The following SDK2 variants were observed in gnomAD, a reference collection of about 807,000 sequenced individuals.
SDK2 encodes sidekick cell adhesion molecule 2, also known as protein sidekick-2.
A neutral mutation model predicts 253.9 loss-of-function variants in SDK2; 105 were observed. The ratio of observed to expected loss-of-function variants is 0.41; its 90% CI spans 0.35 to 0.49. The LOEUF (loss-of-function observed/expected upper bound fraction) is 0.49, where lower values mean the gene tolerates loss of function less well. SDK2 is among the 20% of genes least tolerant of loss of function. The pLI, the probability that SDK2 is intolerant of heterozygous loss-of-function variation, is 0.06. For synonymous variants in SDK2, 1,249 were observed against 1,234.9 expected (o/e 1.01, Z -0.24); for missense variants, 2,608 against 3,003.0 (o/e 0.87, Z 3.07).
In SDK2 at chr17:73,616,114, T is replaced by C. The variant is rs569082020; in HGVS notation, c.64+27911A>G. On this transcript the variant is annotated intron_variant, in intron 1 of 44. Transcript: ENST00000392650. This position sits in a 1 kb window ranked among gnomAD's most constrained non-coding sequence, Gnocchi z 5.2. ...CTTGACAGTGTGCATGAAGTAGACATATGATCCAGTTTGTGGAATCGGTAC... is the reference window on the plus strand; with the variant it reads ...CTTGACAGTGTGCATGAAGTAGACACATGATCCAGTTTGTGGAATCGGTAC... 3.9e-5 allele frequency among the ~76,000 whole-genome samples: 6 copies of C among 152,300 alleles called. No individual in the cohort carries two copies. In the South Asian group the frequency reaches 1.2e-3, roughly 32 times the overall value.
chr17:73,536,946 G>A (rs1206612011), intron 1 of SDK2, among the ~76,000 whole-genome samples: 1 of 152,168 alleles, frequency 6.6e-6, no homozygotes, highest in Non-Finnish European at 1.5e-5. Context: ...AATGGGTCAG[G>A]GAGGCCTTCC....
chr17:73,484,458 C>T (rs1452862877), intron 2 of SDK2, among the ~76,000 whole-genome samples: 1 of 152,332 alleles, frequency 6.6e-6, no homozygotes, highest in East Asian at 1.9e-4. Context: ...CACAGTGGTG[C>T]TGGCTGAGAA....
rs1202973491 is a variant in SDK2, at chr17:73,616,004, T to C, written c.64+28021A>G. On this transcript the variant is annotated intron_variant, in intron 1 of 44. Coordinates refer to ENST00000392650, the MANE Select transcript of SDK2 (RefSeq NM_001144952.2). This position sits in a 1 kb window ranked among gnomAD's most constrained non-coding sequence, Gnocchi z 5.2. Reference sequence around the variant, plus strand: ...CAACCCAAATACACGTACACACGCATGCATGTAGACACATATGCATATACA... The same window carrying C: ...CAACCCAAATACACGTACACACGCACGCATGTAGACACATATGCATATACA... 6.6e-6 allele frequency among the ~76,000 whole-genome samples: 1 copy of C among 152,120 alleles called. No individual in the cohort carries two copies. The highest frequency in any genetic ancestry group is 1.9e-4 in the East Asian group (1 of 5,194).
At chr17:73,550,369 G>A (rs184686107) in intron 1 of SDK2, among the ~76,000 whole-genome samples, 11 of 152,302 alleles carry the variant, frequency 7.2e-5, no homozygotes, top group South Asian at 4.2e-4. Flanking sequence ...CCTTTGTCCC[G>A]CTGGGAAAAT....
At position 73,447,891 on chromosome 17, in the gene SDK2, C is replaced by T; in HGVS notation, c.480-143G>A. On this transcript the variant is annotated intron_variant, in intron 4 of 44. Transcript: ENST00000392650. This position sits in a 1 kb window ranked among gnomAD's most constrained non-coding sequence, Gnocchi z 4.0. ...AGGGCCCCTCCTGCCACCCCCTCCC[C>T]AACCTCTTACTGCCTACATCCCGCC... 2.3e-6 allele frequency: 2 copies of T among 873,360 alleles called. No individual in the cohort carries two copies. The highest frequency in any genetic ancestry group is 3.5e-6 in the Non-Finnish European group (2 of 565,028). 54.1% of individuals were successfully genotyped at this position (873,360 alleles called of 1,614,324 possible).
At position 73,336,925 on chromosome 17, in the gene SDK2, T is replaced by C. The variant is rs888597435; in HGVS notation, c.*1662A>G. On this transcript the variant is annotated 3_prime_UTR_variant, in exon 45 of 45. Transcript: ENST00000392650. Reference sequence around the variant, plus strand: ...TGAGGGCACAGAGGGCCTTGGACAATGTATGGAGTTAGATAGAAAGGCTTC... The same window carrying C: ...TGAGGGCACAGAGGGCCTTGGACAACGTATGGAGTTAGATAGAAAGGCTTC... The C allele has an allele frequency of 1.3e-5, 2 of 151,190 alleles. No homozygotes were observed. The highest frequency in any genetic ancestry group is 3.0e-5 in the Non-Finnish European group (2 of 67,608). The allele number at this position is 151,190 out of a possible 1,614,324, so 9.4% of individuals were successfully genotyped here.
chr17:73,479,767 T>G (rs2063709736), intron 2 of SDK2, among the ~76,000 whole-genome samples: 1 of 152,244 alleles, frequency 6.6e-6, no homozygotes, highest in African/African-American at 2.4e-5. Context: ...CTCGGCTCAC[T>G]GCAACCTCCG....
chr17:73,440,952 G>T, intron 5 of SDK2, 29 bp from the exon 6 acceptor site: 2 of 1,488,992 alleles, frequency 1.3e-6, no homozygotes, highest in Non-Finnish European at 1.8e-6. Flanking sequence ...TTAGCTGGGG[G>T]CGAGGCTGGA....
In SDK2 at chr17:73,639,288, G is replaced by C. The variant is rs1199285769; in HGVS notation, c.64+4737C>G. Among the ~76,000 whole-genome samples the C allele has an allele frequency of 6.6e-6, 1 of 152,108 alleles. No homozygotes were observed. The highest frequency in any genetic ancestry group is 1.5e-5 in the Non-Finnish European group (1 of 67,996). The stretch of plus-strand genomic sequence containing the variant: ...CCCTGGGCTCAGCAAGAGGCTTTTT[G>C]GTCCAGGCACCAGGCCCAGGGAGTC... On this transcript the variant is annotated intron_variant, in intron 1 of 44. Transcript: ENST00000392650. The surrounding 1 kb of genome is among the most constrained non-coding windows in gnomAD (Gnocchi z 4.3).
At chr17:73,567,044 GA>G (rs908581012) in intron 1 of SDK2, among the ~76,000 whole-genome samples, 2 of 150,918 alleles carry the variant, frequency 1.3e-5, no homozygotes, top group African/African-American at 2.4e-5. Context: ...AAAGACACTG[GA>G]AAAAAAAAGA....
chr17:73,345,382 G>T (rs2062474204), intron 44 of SDK2, among the ~76,000 whole-genome samples: 1 of 152,050 alleles, frequency 6.6e-6, no homozygotes, highest in African/African-American at 2.4e-5. Flanking sequence ...AGGTTGCTGT[G>T]GTTCCATAAT....
intron 19 of SDK2, 33 bp from the exon 20 acceptor site, chr17:73,401,785 G>T (rs573126775): frequency 9.1e-6 from 14 of 1,530,656 alleles, no homozygotes; most frequent in Admixed American, 2.0e-5. Flanking sequence ...ACCCCCCAAG[G>T]CCAGTTAGAG....
At position 73,401,008 on chromosome 17, in the gene SDK2, G is replaced by GT; in HGVS notation, c.2971+11dup. 1 of 1,563,772 alleles carries GT rather than the reference G, an allele frequency of 6.4e-7. No individual in the cohort carries two copies. The highest frequency in any genetic ancestry group is 8.7e-7 in the Non-Finnish European group (1 of 1,153,768). ...GAACTCAAAGAGTCCTGCCTTGAGA[G>GT]TGGGCACTTACCTGGGGGCACCCCA... On this transcript the variant is annotated intron_variant, in intron 21 of 44. Transcript: ENST00000392650.
intron 1 of SDK2, among the ~76,000 whole-genome samples, chr17:73,587,341 C>G (rs1273482785): frequency 1.3e-5 from 2 of 152,218 alleles, no homozygotes; most frequent in Admixed American, 6.5e-5. Context: ...CAGGGCAGAG[C>G]CTGGACAGAG....
intron 32 of SDK2, 126 bp downstream of exon 32, chr17:73,385,720 TC>T: frequency 1.2e-6 from 1 of 826,190 alleles, no homozygotes; most frequent in African/African-American, 1.7e-5. Context: ...TCTCATGGCT[TC>T]CCAGGCGCTC....
At position 73,339,085 on chromosome 17, in the gene SDK2, C is replaced by T. The variant is rs137974413; in HGVS notation, c.6166-145G>A. 2.0e-3 allele frequency: 1,460 copies of T among 728,888 alleles called. 21 individuals carry two copies. In the African/African-American group the frequency reaches 0.024, roughly 12 times the overall value. The allele number at this position is 728,888 out of a possible 1,614,324, so 45.2% of individuals were successfully genotyped here. On this transcript the variant is annotated intron_variant, in intron 44 of 44. Transcript: ENST00000392650. ...GACTGTGGGCCTCCCAGCCCCCTCACTGCCAAGGGGGTCTGGTGCCCGTTT... is the reference window on the plus strand; with the variant it reads ...GACTGTGGGCCTCCCAGCCCCCTCATTGCCAAGGGGGTCTGGTGCCCGTTT...
At chr17:73,608,307 G>A (rs922650076) in intron 1 of SDK2, among the ~76,000 whole-genome samples, 5 of 152,060 alleles carry the variant, frequency 3.3e-5, no homozygotes, top group Non-Finnish European at 7.3e-5. Context: ...GGACGATCAC[G>A]GAGGTAAAGG....
chr17:73,564,749 T>C (rs906142059), intron 1 of SDK2, among the ~76,000 whole-genome samples: 3 of 151,344 alleles, frequency 2.0e-5, no homozygotes, highest in Non-Finnish European at 4.4e-5. Flanking sequence ...CGCTTGAACC[T>C]GGGAGGCGGA....
rs570339136 is a variant in SDK2, at chr17:73,523,198, G to GTCCCCTTCCAA, written c.65-15612_65-15602dup. On this transcript the variant is annotated intron_variant, in intron 1 of 44. Coordinates refer to ENST00000392650, the MANE Select transcript of SDK2 (RefSeq NM_001144952.2). ...CATGAAGGTTTCACAGTCACCTGCT[G>GTCCCCTTCCAA]TCCCCTTCCAAGTCTAGGCTCTGCA... Among the ~76,000 whole-genome samples the GTCCCCTTCCAA allele has an allele frequency of 1.6e-3, 236 of 152,168 alleles. 1 individual carries two copies. Among genetic ancestry groups the GTCCCCTTCCAA allele is most frequent in the African/African-American group, 5.4e-3 (223 of 41,504 alleles).
Sources: allele counts gnomAD v4.1 joint callset (sites outside exome capture counted in the v4.1 genomes callset), GRCh38; gene constraint gnomAD v4.1.1; non-coding constraint Gnocchi (gnomAD v3.1); transcripts MANE v1.5; gene names NCBI Gene and HGNC (gene_info 2026-07-23, HGNC 2026-07-21).